Variants in C12orf42 observed in about 807,000 individuals in gnomAD.
C12orf42 encodes uncharacterized protein C12orf42.
C12orf42 carries 25 observed loss-of-function variants against 21.6 expected under a neutral mutation model. That is an observed-to-expected ratio of 1.16 (90% CI 0.84 to 1.62). C12orf42 has a LOEUF of 1.62. Ranked by LOEUF, C12orf42 falls within the 40% of genes most tolerant of loss-of-function variation. The pLI is 0.00. For missense variants in C12orf42, 483 were observed against 459.3 expected (o/e 1.05, Z -0.47); for synonymous variants, 174 against 175.0 (o/e 0.99, Z 0.05).
chr12:103,226,171 G>A, the C12orf42 span, among the ~76,000 whole-genome samples: 1 of 152,348 alleles, frequency 6.6e-6, no homozygotes, highest in East Asian at 1.9e-4. Flanking sequence ...AGGTTCTGGA[G>A]GAATGCCTGG....
intron 3 of C12orf42, among the ~76,000 whole-genome samples, chr12:103,374,084 A>C (rs1343868): frequency 0.42 from 63,872 of 151,932 alleles, 14,141 homozygotes; most frequent in African/African-American, 0.57. Context: ...GTCTGGAGAC[A>C]AATGATGTGT....
the C12orf42 span, among the ~76,000 whole-genome samples, chr12:103,076,616 G>A: frequency 6.6e-6 from 1 of 152,130 alleles, no homozygotes; most frequent in African/African-American, 2.4e-5. Context: ...TGATGTTGAT[G>A]AAAGCCCAGT....
downstream of C12orf42, among the ~76,000 whole-genome samples, chr12:103,298,277 G>T (rs2037431749): frequency 6.6e-6 from 1 of 152,142 alleles, no homozygotes; most frequent in Non-Finnish European, 1.5e-5. Context: ...CAAAACCAAT[G>T]TGCAAAAATC....
chr12:103,116,379 A>AT, the C12orf42 span, among the ~76,000 whole-genome samples: 1,477 of 128,902 alleles, frequency 0.011, 3 homozygotes, highest in Non-Finnish European at 0.014. Context: ...AGAAAAAAAA[A>AT]AAATATATAT....
At chr12:103,228,386 A>C in the C12orf42 span, among the ~76,000 whole-genome samples, 1 of 152,144 alleles carries the variant, frequency 6.6e-6, no homozygotes, top group Non-Finnish European at 1.5e-5. Context: ...GTCATCACTT[A>C]AGGCAAGGAC....
At chr12:103,344,260 A>C (rs1484548022) in intron 4 of C12orf42, among the ~76,000 whole-genome samples, 1 of 152,182 alleles carries the variant, frequency 6.6e-6, no homozygotes, top group Non-Finnish European at 1.5e-5. Flanking sequence ...ATCTAATTCA[A>C]ACTTCCCGGA....
the C12orf42 span, among the ~76,000 whole-genome samples, chr12:103,532,057 C>T: frequency 6.6e-6 from 1 of 152,170 alleles, no homozygotes; most frequent in East Asian, 1.9e-4. Flanking sequence ...TCATGTTCTG[C>T]TCTATGCCTC....
At chr12:103,265,172 T>C (rs1345499654), downstream of C12orf42, among the ~76,000 whole-genome samples, 1 of 152,126 alleles carries the variant, frequency 6.6e-6, no homozygotes, top group Non-Finnish European at 1.5e-5. Flanking sequence ...TCCACCCTCA[T>C]GAACTAATCA....
the C12orf42 span, among the ~76,000 whole-genome samples, chr12:103,051,289 G>T: frequency 2.6e-5 from 4 of 152,184 alleles, no homozygotes; most frequent in African/African-American, 9.7e-5. Context: ...GCATTTCTTA[G>T]AAGCACAAGC....
At chr12:103,082,842 AACATAGT>A in the C12orf42 span, among the ~76,000 whole-genome samples, 4 of 152,252 alleles carry the variant, frequency 2.6e-5, no homozygotes, top group East Asian at 7.7e-4. Context: ...AGTATTTGGT[AACATAGT>A]ACAAACAAGC....
chr12:103,243,349 A>G (rs985328337), intron 10 of C12orf42, among the ~76,000 whole-genome samples: 5 of 152,224 alleles, frequency 3.3e-5, no homozygotes, highest in East Asian at 1.9e-4. Context: ...TATATAATGT[A>G]TATGAAAGTA....
chr12:103,467,957 A>G (rs1486366817), intron 2 of C12orf42, among the ~76,000 whole-genome samples: 1 of 152,178 alleles, frequency 6.6e-6, no homozygotes, highest in Non-Finnish European at 1.5e-5. Flanking sequence ...AAGGAAAGCT[A>G]GATTTTCTTT....
At chr12:103,465,069 G>A (rs191443271) in intron 2 of C12orf42, among the ~76,000 whole-genome samples, 130 of 152,100 alleles carry the variant, frequency 8.5e-4, no homozygotes, top group African/African-American at 2.7e-3. Context: ...ACTTACAATT[G>A]TCTTGGCTAT....
At chr12:103,435,448 A>C (rs1950618462) in intron 2 of C12orf42, among the ~76,000 whole-genome samples, 1 of 152,158 alleles carries the variant, frequency 6.6e-6, no homozygotes, top group Non-Finnish European at 1.5e-5. Context: ...CGATCAAATT[A>C]CTCTGAGCTA....
intron 4 of C12orf42, among the ~76,000 whole-genome samples, chr12:103,318,221 A>G (rs2136789558): frequency 6.6e-6 from 1 of 152,260 alleles, no homozygotes; most frequent in East Asian, 1.9e-4. Flanking sequence ...TATGGGAGGC[A>G]GAGGTTGCAG....
chr12:103,189,761 C>A, the C12orf42 span, among the ~76,000 whole-genome samples: 21 of 152,186 alleles, frequency 1.4e-4, no homozygotes, highest in African/African-American at 3.9e-4. Flanking sequence ...ACAGGCTTTC[C>A]TACCCACAGA....
chr12:103,468,006 T>C (rs1953281296), intron 2 of C12orf42, among the ~76,000 whole-genome samples: 3 of 152,218 alleles, frequency 2.0e-5, no homozygotes, highest in Admixed American at 6.5e-5. Flanking sequence ...CAGTTGCATC[T>C]ATTTCAGAAT....
At position 103,361,244 on chromosome 12, in the gene C12orf42, G is replaced by A. The variant is rs143236455; in HGVS notation, c.259+7643C>T. On this transcript the variant is annotated intron_variant, in intron 4 of 5. Transcript: ENST00000548883. ...TGGGAAAGGGGTATTATCTGCCCCC[G>A]AACACACACCCTCACTGAGGAACCT... Among the ~76,000 whole-genome samples the A allele has an allele frequency of 3.3e-5, 5 of 152,176 alleles. No homozygotes were observed. The East Asian group carries it at 7.7e-4, about 24-fold the overall frequency.
At chr12:103,361,787 C>A (rs1318372270) in intron 4 of C12orf42, among the ~76,000 whole-genome samples, 12 of 152,050 alleles carry the variant, frequency 7.9e-5, no homozygotes, top group Admixed American at 7.9e-4. Flanking sequence ...CCATAATCTT[C>A]CTGGGAATAT....
Sources: allele counts gnomAD v4.1 joint callset (sites outside exome capture counted in the v4.1 genomes callset), GRCh38; gene constraint gnomAD v4.1.1; transcripts MANE v1.5; gene names NCBI Gene and HGNC (gene_info 2026-07-23, HGNC 2026-07-21).